Variants in ABCB1 observed in about 807,000 individuals in gnomAD.
ABCB1 encodes the protein ATP-dependent translocase ABCB1.
Under a neutral mutation model 142.0 loss-of-function variants are expected in ABCB1, and 69 were observed. The observed-to-expected ratio is 0.49, with a 90% CI of 0.40 to 0.59. The LOEUF (loss-of-function observed/expected upper bound fraction) is 0.59. Ranked by LOEUF, ABCB1 falls within the 20% of genes least tolerant of loss-of-function variation. The probability of loss-of-function intolerance (pLI) is 0.00; values close to 1 mark genes in which losing one functional copy is unlikely to be tolerated. For missense variants in ABCB1, 1,326 were observed against 1,554.7 expected (o/e 0.85, Z 2.47); for synonymous variants, 532 against 539.2 (o/e 0.99, Z 0.18).
Position 87,597,237 on chromosome 7 carries a change from C to T in ABCB1, c.69-1423G>A, listed in dbSNP as rs1271763836. On this transcript the variant is annotated intron_variant, in intron 2 of 27. Transcript: ENST00000622132. ...TGCACTTTCACACAAACTCTCACCC[C>T]TACTAGATAACTTACTTATCCCCAT... 2.0e-5 allele frequency among the ~76,000 whole-genome samples: 3 copies of T among 151,974 alleles called. No homozygotes were observed. In the South Asian group the frequency reaches 6.2e-4, roughly 32 times the overall value.
chr7:87,516,798 G>T, intron 23 of ABCB1, 133 bp from the exon 24 acceptor site: 1 of 881,000 alleles, frequency 1.1e-6, no homozygotes, highest in Non-Finnish European at 1.7e-6. Flanking sequence ...GTGCAGTAGT[G>T]CAATCAGAGC....
chr7:87,558,560 T>G (rs1817411400), intron 8 of ABCB1, among the ~76,000 whole-genome samples: 2 of 152,202 alleles, frequency 1.3e-5, no homozygotes, highest in Admixed American at 1.3e-4. Flanking sequence ...TTATTGGTCT[T>G]ATTATCTAGT....
intron 7 of ABCB1, among the ~76,000 whole-genome samples, chr7:87,565,251 C>A (rs373008712): frequency 6.6e-6 from 1 of 152,174 alleles, no homozygotes; most frequent in East Asian, 1.9e-4. Flanking sequence ...GTTGTCCATT[C>A]ATTACTTTTG....
At chr7:87,529,331 A>G (rs1815930888) in intron 21 of ABCB1, among the ~76,000 whole-genome samples, 1 of 152,210 alleles carries the variant, frequency 6.6e-6, no homozygotes, top group East Asian at 1.9e-4. Context: ...TTATATAAGA[A>G]GTACTAAATA....
chr7:87,521,432 T>A, intron 21 of ABCB1: 1 of 687,992 alleles, frequency 1.5e-6, no homozygotes, highest in Non-Finnish European at 2.7e-6. Flanking sequence ...CAAGGAAGCA[T>A]CCTTAAAGTC....
At chr7:87,554,808 C>T (rs1010524837) in intron 8 of ABCB1, among the ~76,000 whole-genome samples, 5 of 152,154 alleles carry the variant, frequency 3.3e-5, no homozygotes, top group African/African-American at 1.2e-4. Context: ...TATCTATAGC[C>T]CTGAACCCAT....
intron 1 of ABCB1, among the ~76,000 whole-genome samples, chr7:87,697,711 A>G (rs563156892): frequency 1.3e-5 from 2 of 152,360 alleles, no homozygotes; most frequent in African/African-American, 4.8e-5. Flanking sequence ...ACTCTTTGCT[A>G]CTTGCTGCAC....
In ABCB1 at chr7:87,639,091, G is replaced by C. The variant is rs181249892; in HGVS notation, c.-330-38013C>G. Among the ~76,000 whole-genome samples the C allele has an allele frequency of 7.7e-3, 1,082 of 141,088 alleles. 7 individuals carry two copies. Among genetic ancestry groups the C allele is most frequent in the Admixed American group, 0.014 (178 of 12,892 alleles). The allele number at this position is 141,088 out of a possible 152,430, so 92.6% of individuals were successfully genotyped here. On this transcript the variant is annotated intron_variant, in intron 1 of 28. Transcript: ENST00000265724. ...GGTGTAAACCCCGGAGGCGGAGCTT[G>C]CAGTGAGAAGAGACGGCACACCACT...
At position 87,628,596 on chromosome 7, in the gene ABCB1, T is replaced by C. The variant is rs866554605; in HGVS notation, c.-330-27518A>G. On this transcript the variant is annotated intron_variant, in intron 1 of 28. Coordinates refer to the ABCB1 transcript ENST00000265724. ...TGGTGCGTGCGTGCGTGTGTGTGTG[T>C]GTGTGTGTGTGTGTGTGTGTGTGTG... is the stretch of plus-strand genomic sequence containing the variant. 6.5e-3 allele frequency: 1,596 copies of C among 246,440 alleles called. 4 individuals are homozygous for C. Among genetic ancestry groups the C allele is most frequent in the Middle Eastern group, 0.012 (9 of 772 alleles). 15.3% of individuals were successfully genotyped at this position (246,440 alleles called of 1,614,324 possible).
Position 87,554,568 on chromosome 7 carries a change from C to G in ABCB1, c.828-636G>C, listed in dbSNP as rs370955384. 7.9e-5 allele frequency among the ~76,000 whole-genome samples: 12 copies of G among 152,306 alleles called. No homozygotes were observed. The East Asian group carries it at 2.3e-3, about 29-fold the overall frequency. On this transcript the variant is annotated intron_variant, in intron 8 of 27. Transcript: ENST00000622132. ...ATTTATTTTAAAAATCACTGACCTACAAAAATTATTTGGCTTACAGGTTTA... is the reference window on the plus strand; with the variant it reads ...ATTTATTTTAAAAATCACTGACCTAGAAAAATTATTTGGCTTACAGGTTTA...
At chr7:87,533,385 T>A (rs1584854798) in intron 20 of ABCB1, among the ~76,000 whole-genome samples, 1 of 152,154 alleles carries the variant, frequency 6.6e-6, no homozygotes, top group Non-Finnish European at 1.5e-5. Context: ...GCTATTTAAC[T>A]TTTCAGACAT....
At chr7:87,581,469 C>CA (rs896824560) in intron 4 of ABCB1, among the ~76,000 whole-genome samples, 38 of 146,464 alleles carry the variant, frequency 2.6e-4, no homozygotes, top group Middle Eastern at 3.5e-3. Context: ...GCTTTGTTTA[C>CA]AAAAAAAAAA....
intron 1 of ABCB1, among the ~76,000 whole-genome samples, chr7:87,620,487 T>C (rs1181331264): frequency 2.0e-5 from 3 of 152,062 alleles, no homozygotes; most frequent in African/African-American, 7.3e-5. Context: ...ATATCTTCAA[T>C]AGGGTTTTTT....
intron 8 of ABCB1, among the ~76,000 whole-genome samples, chr7:87,560,027 T>C (rs982469078): frequency 7.9e-5 from 12 of 152,168 alleles, no homozygotes; most frequent in Admixed American, 5.9e-4. Flanking sequence ...TCCTCATGAT[T>C]CTCTTATTTT....
At chr7:87,565,749 A>C (rs919340227) in intron 7 of ABCB1, among the ~76,000 whole-genome samples, 2 of 151,904 alleles carry the variant, frequency 1.3e-5, no homozygotes, top group African/African-American at 4.8e-5. Context: ...TTTGGAGTTC[A>C]AGTTTTTTTT....
chr7:87,621,142 G>C (rs535490498), intron 1 of ABCB1, among the ~76,000 whole-genome samples: 1 of 152,112 alleles, frequency 6.6e-6, no homozygotes, highest in Non-Finnish European at 1.5e-5. Flanking sequence ...CTTGGTGAGA[G>C]AGATGTGTCA....
intron 25 of ABCB1, among the ~76,000 whole-genome samples, chr7:87,511,226 T>C (rs2117073259): frequency 6.6e-6 from 1 of 152,248 alleles, no homozygotes; most frequent in Non-Finnish European, 1.5e-5. Flanking sequence ...GTAAAACAGA[T>C]CAAAGAAGCA....
upstream of ABCB1, among the ~76,000 whole-genome samples, chr7:87,605,594 G>C (rs1012022445): frequency 2.0e-5 from 3 of 152,238 alleles, no homozygotes; most frequent in African/African-American, 7.2e-5. Flanking sequence ...TAAGATAAAG[G>C]GAAAGAAGAA....
chr7:87,681,599 A>G lies in ABCB1; in HGVS notation c.-331+31562T>C, dbSNP rs548943905. On this transcript the variant is annotated intron_variant, in intron 1 of 28. Transcript: ENST00000265724. ...TTTACTGCTAAAAATGCTAACAATC[A>G]TCTGAGCCTTCAGCAAGTCATTACC... Among the ~76,000 whole-genome samples the G allele has an allele frequency of 2.7e-5, 4 of 150,856 alleles. No individual in the cohort carries two copies. The East Asian group carries it at 7.9e-4, about 30-fold the overall frequency.
Sources: gnomAD v4.1 joint callset for allele counts (sites outside exome capture counted in the v4.1 genomes callset) on GRCh38, gnomAD v4.1.1 for gene constraint, MANE v1.5 for transcripts, NCBI Gene and HGNC (gene_info 2026-07-23, HGNC 2026-07-21) for gene names.